Variants in AGBL4 observed in about 807,000 individuals in gnomAD.
AGBL4 encodes AGBL carboxypeptidase 4, also known as cytosolic carboxypeptidase 6.
A neutral mutation model predicts 66.4 loss-of-function variants in AGBL4; 58 were observed. That is an observed-to-expected ratio of 0.87 (90% CI 0.71 to 1.09). The LOEUF is 1.09. Among genes scored for constraint, AGBL4 ranks in the 50% least tolerant of loss-of-function variants. The probability of loss-of-function intolerance (pLI) is 0.00; values close to 1 mark genes in which losing one functional copy is unlikely to be tolerated. For missense variants in AGBL4, 579 were observed against 631.0 expected, an observed-to-expected ratio of 0.92 and a Z score of 0.88; for synonymous variants, 234 against 222.9, an observed-to-expected ratio of 1.05 and a Z score of -0.44.
At chr1:49,313,070 T>C (rs886740968) in intron 3 of AGBL4, among the ~76,000 whole-genome samples, 1 of 151,786 alleles carries the variant, frequency 6.6e-6, no homozygotes. Flanking sequence ...TTCCCCTCCC[T>C]GTATCCATGT....
At chr1:49,761,020 G>A (rs986957267) in intron 2 of AGBL4, among the ~76,000 whole-genome samples, 2 of 152,036 alleles carry the variant, frequency 1.3e-5, no homozygotes, top group Non-Finnish European at 2.9e-5. Context: ...GGGCCTGTTG[G>A]GGGGTGGGGG....
chr1:49,992,109 C>T (rs1052826741), intron 1 of AGBL4, among the ~76,000 whole-genome samples: 1 of 152,140 alleles, frequency 6.6e-6, no homozygotes, highest in Non-Finnish European at 1.5e-5. Context: ...CAGTGGCTCA[C>T]GCCTGTAATC....
At chr1:49,324,876 G>A (rs1196140834) in intron 3 of AGBL4, among the ~76,000 whole-genome samples, 3 of 152,186 alleles carry the variant, frequency 2.0e-5, no homozygotes, top group Non-Finnish European at 4.4e-5. Flanking sequence ...GTCTGAGTAT[G>A]TTGAATGAAT....
At chr1:48,702,192 G>A (rs963088770) in intron 6 of AGBL4, among the ~76,000 whole-genome samples, 5 of 152,126 alleles carry the variant, frequency 3.3e-5, no homozygotes, top group African/African-American at 7.2e-5. Flanking sequence ...TAGACGACCC[G>A]CCTTCTGCTT....
rs12066261 is a variant in AGBL4 at position 48,771,376 on chromosome 1, C to T, written c.634+95815G>A. Among the ~76,000 whole-genome samples, 322 of 152,266 alleles carry T rather than the reference C, an allele frequency of 2.1e-3. 5 individuals are homozygous for T. Among genetic ancestry groups the T allele is most frequent in the African/African-American group, 7.0e-3 (292 of 41,558 alleles). On this transcript the variant is annotated intron_variant, in intron 6 of 13. Coordinates refer to ENST00000371839, the MANE Select transcript of AGBL4 (RefSeq NM_032785.4). ...TAAAAACTGGTGTGCTCTTGAACAG[C>T]AAAACACCACATAAAAAGCAACTTG...
intron 1 of AGBL4, among the ~76,000 whole-genome samples, chr1:49,874,795 T>C (rs1173357370): frequency 2.0e-5 from 3 of 152,210 alleles, no homozygotes; most frequent in East Asian, 1.9e-4. Flanking sequence ...ACAATTTTTG[T>C]TATTTCTATT....
At chr1:49,040,091 C>G (rs1406252438) in intron 5 of AGBL4, among the ~76,000 whole-genome samples, 1 of 151,916 alleles carries the variant, frequency 6.6e-6, no homozygotes, top group East Asian at 1.9e-4. Flanking sequence ...ATATATCTGA[C>G]AAAAGACTTG....
intron 1 of AGBL4, among the ~76,000 whole-genome samples, chr1:49,868,819 C>A (rs1443541911): frequency 6.6e-6 from 1 of 152,170 alleles, no homozygotes; most frequent in Non-Finnish European, 1.5e-5. Flanking sequence ...AATGAAGAGA[C>A]AACCTACAGA....
At chr1:49,014,791 G>A (rs886793859) in intron 5 of AGBL4, among the ~76,000 whole-genome samples, 1 of 152,154 alleles carries the variant, frequency 6.6e-6, no homozygotes, top group African/African-American at 2.4e-5. Flanking sequence ...TATATGAGCA[G>A]TAGCCATATA....
intron 11 of AGBL4, among the ~76,000 whole-genome samples, chr1:48,540,181 T>A (rs960561286): frequency 1.3e-5 from 2 of 152,138 alleles, no homozygotes; most frequent in Middle Eastern, 3.2e-3. Context: ...TGCTTGACCC[T>A]TAGGGCTCAG....
chr1:48,886,171 G>A (rs1026058603), intron 5 of AGBL4, among the ~76,000 whole-genome samples: 1 of 152,038 alleles, frequency 6.6e-6, no homozygotes, highest in Non-Finnish European at 1.5e-5. Flanking sequence ...TGCATGTGCT[G>A]AGACTCCAGA....
chr1:49,517,127 A>G (rs891115849), intron 3 of AGBL4, among the ~76,000 whole-genome samples: 1 of 151,838 alleles, frequency 6.6e-6, no homozygotes, highest in African/African-American at 2.4e-5. Context: ...CATCACCTCA[A>G]GTGTGTATCA....
intron 4 of AGBL4, among the ~76,000 whole-genome samples, chr1:49,206,200 G>T (rs759793799): frequency 3.9e-5 from 6 of 152,128 alleles, no homozygotes; most frequent in Non-Finnish European, 1.5e-5. Flanking sequence ...GGGGGAAGGA[G>T]AAAGTTTTGG....
At chr1:48,699,055 G>A (rs892095248) in intron 6 of AGBL4, among the ~76,000 whole-genome samples, 1 of 152,076 alleles carries the variant, frequency 6.6e-6, no homozygotes, top group East Asian at 1.9e-4. Context: ...GATTTTCCTG[G>A]TCTCTCATGC....
chr1:48,630,796 C>T (rs556513557), intron 9 of AGBL4, among the ~76,000 whole-genome samples: 1 of 152,248 alleles, frequency 6.6e-6, no homozygotes, highest in Non-Finnish European at 1.5e-5. Context: ...TTCTGTCTGC[C>T]CCTGGTAACA....
intron 3 of AGBL4, among the ~76,000 whole-genome samples, chr1:49,278,097 C>G (rs1478160250): frequency 6.6e-6 from 1 of 152,060 alleles, no homozygotes; most frequent in East Asian, 1.9e-4. Flanking sequence ...GAGAAGTTGC[C>G]CAAGGGCACA....
At chr1:49,480,265 T>C (rs2148725228) in intron 3 of AGBL4, among the ~76,000 whole-genome samples, 2 of 152,152 alleles carry the variant, frequency 1.3e-5, no homozygotes, top group Middle Eastern at 6.8e-3. Context: ...AACATGAAAG[T>C]ATTCTTTTTT....
chr1:48,934,116 G>A (rs564962772), intron 5 of AGBL4, among the ~76,000 whole-genome samples: 1 of 152,314 alleles, frequency 6.6e-6, no homozygotes, highest in African/African-American at 2.4e-5. Context: ...CTAATGGTAA[G>A]GGATTGAGAA....
intron 4 of AGBL4, among the ~76,000 whole-genome samples, chr1:49,190,727 C>G (rs745577170): frequency 6.6e-6 from 1 of 152,120 alleles, no homozygotes; most frequent in Non-Finnish European, 1.5e-5. Flanking sequence ...TTGTCCGTTT[C>G]CACAAAGTTC....
Sources: gnomAD v4.1 joint callset for allele counts (sites outside exome capture counted in the v4.1 genomes callset) on GRCh38, gnomAD v4.1.1 for gene constraint, MANE v1.5 for transcripts, NCBI Gene and HGNC (gene_info 2026-07-23, HGNC 2026-07-21) for gene names.